Variants in MYLK3 observed in about 807,000 individuals in gnomAD.
MYLK3 encodes myosin light chain kinase 3.
Under a neutral mutation model 76.3 loss-of-function variants are expected in MYLK3, and 55 were observed. The ratio of observed to expected loss-of-function variants is 0.72; its 90% CI spans 0.58 to 0.90. The LOEUF (loss-of-function observed/expected upper bound fraction) is 0.90, where lower values mean the gene tolerates loss of function less well. Among genes scored for constraint, MYLK3 ranks in the 40% least tolerant of loss-of-function variants. The pLI is 0.00. For missense variants in MYLK3, 973 were observed against 1,053.6 expected, an observed-to-expected ratio of 0.92 and a Z score of 1.06; for synonymous variants, 416 against 425.4, an observed-to-expected ratio of 0.98 and a Z score of 0.27.
At chr16:46,733,350 C>T (rs899430237) in intron 3 of MYLK3, among the ~76,000 whole-genome samples, 1 of 152,124 alleles carries the variant, frequency 6.6e-6, no homozygotes, top group Non-Finnish European at 1.5e-5. Context: ...GTGAGAGACC[C>T]TGTCTCAAAA....
rs1164674291 is a variant in MYLK3 at position 46,758,266 on chromosome 16, C to CCACACACACA, written c.-114+4764_-114+4773dup. Among the ~76,000 whole-genome samples the CCACACACACA allele has an allele frequency of 3.9e-5, 5 of 126,950 alleles. 1 individual carries two copies. Among genetic ancestry groups the CCACACACACA allele is most frequent in the Non-Finnish European group, 6.5e-5 (4 of 61,252 alleles). 83.3% of individuals were successfully genotyped at this position (126,950 alleles called of 152,430 possible). A position where few individuals can be genotyped will look rare whatever the true frequency, so the allele number is the denominator to read the frequency against. On this transcript the variant is annotated intron_variant, in intron 1 of 11. Transcript: ENST00000536476. The stretch of plus-strand genomic sequence containing the variant: ...ACACACACACACTGCCTCTCTCTCT[C>CCACACACACA]CACACACACACACACACACACACAC...
intron 1 of MYLK3, chr16:46,757,661 C>T (rs917535346): frequency 1.1e-5 from 10 of 941,238 alleles, no homozygotes; most frequent in African/African-American, 7.1e-5. Flanking sequence ...CTGGCATTTC[C>T]GCTTATCTCT....
chr16:46,717,539 C>T (rs550295855), intron 9 of MYLK3, among the ~76,000 whole-genome samples: 5 of 152,088 alleles, frequency 3.3e-5, no homozygotes, highest in South Asian at 4.1e-4. Context: ...TTCCCCCAAC[C>T]AGCCCGCACA....
chr16:46,759,041 C>T (rs1041116367), intron 1 of MYLK3, among the ~76,000 whole-genome samples: 1 of 152,238 alleles, frequency 6.6e-6, no homozygotes, highest in Non-Finnish European at 1.5e-5. Context: ...GGGAGTAAAA[C>T]CAAAGTGCAA....
At chr16:46,709,401 A>T in intron 12 of MYLK3, 138 bp downstream of exon 12, 1 of 959,824 alleles carries the variant, frequency 1.0e-6, no homozygotes, top group Non-Finnish European at 1.5e-6. Context: ...CAGCCTGGGC[A>T]ACAGAGCAAG....
intron 8 of MYLK3, chr16:46,726,776 G>GGGGA: frequency 6.6e-6 from 1 of 150,962 alleles, no homozygotes; most frequent in Non-Finnish European, 1.5e-5. Flanking sequence ...AGAGAGAGAG[G>GGGGA]GGGAGGGAGG....
chr16:46,709,110 A>G (rs754369799), intron 12 of MYLK3, among the ~76,000 whole-genome samples: 1 of 152,186 alleles, frequency 6.6e-6, no homozygotes, highest in East Asian at 1.9e-4. Flanking sequence ...TTCTGTTTAG[A>G]ATCAAAATGT....
At chr16:46,722,943 C>A (rs374032893) in intron 8 of MYLK3, among the ~76,000 whole-genome samples, 1 of 152,262 alleles carries the variant, frequency 6.6e-6, no homozygotes, top group South Asian at 2.1e-4. Context: ...AACTCCCGAC[C>A]TCAGGTGATC....
chr16:46,727,442 C>A, intron 7 of MYLK3, 65 bp from the exon 8 acceptor site: 1 of 1,526,362 alleles, frequency 6.6e-7, no homozygotes, highest in South Asian at 1.3e-5. Context: ...TGTCCACTGT[C>A]ATTATAGGGC....
At chr16:46,751,196 A>G (rs2052874), upstream of MYLK3, among the ~76,000 whole-genome samples, 72,006 of 151,618 alleles carry the variant, frequency 0.47, 19,686 homozygotes, top group South Asian at 0.69. Flanking sequence ...GAATCACTTG[A>G]GGCCAGGAGT....
In MYLK3 at chr16:46,738,035, C is replaced by T. The variant is rs1429183311; in HGVS notation, c.677G>A (p.Gly226Glu). 5 of 1,611,950 alleles carry T rather than the reference C, an allele frequency of 3.1e-6. No individual in the cohort carries two copies. In the African/African-American group the frequency reaches 4.0e-5, roughly 13 times the overall value. Residue 226 changes from glycine (G) to glutamate (E), a missense_variant, in exon 3 of 13, where the codon GGA (glycine) becomes GAA (glutamate). This residue lies in a region of MYLK3 where 641 missense variants were observed against 637.0 expected (regional missense o/e 1.01). Transcript: ENST00000394809. ...PAQAVVSPGQ[G>E]DGVPGPAQAF... ...CTGGGCTGGGCCAGGAACACCATCTCCCTGGCCCGGTGAGACCACTGCCTG... is the reference window on the plus strand; with the variant it reads ...CTGGGCTGGGCCAGGAACACCATCTTCCTGGCCCGGTGAGACCACTGCCTG...
chr16:46,722,190 G>C (rs1184225363), intron 8 of MYLK3, among the ~76,000 whole-genome samples: 1 of 152,158 alleles, frequency 6.6e-6, no homozygotes, highest in Non-Finnish European at 1.5e-5. Flanking sequence ...GAGAAGCTGA[G>C]TGAAGATGTA....
intron 1 of MYLK3, chr16:46,757,306 C>T (rs36478): frequency 0.99 from 922,836 of 928,400 alleles, 458,866 homozygotes; most frequent in East Asian, 1. Context: ...ACTTTCTTGG[C>T]GCAAGAGAAC....
intron 1 of MYLK3, among the ~76,000 whole-genome samples, chr16:46,742,892 CTGGAGGCA>C (rs1267514467): frequency 6.6e-6 from 1 of 152,214 alleles, no homozygotes; most frequent in Admixed American, 6.5e-5. Flanking sequence ...GCTGGGGGAA[CTGGAGGCA>C]TGAAACAGAC....
rs79685521 is a variant in MYLK3, at chr16:46,713,245, T to C, written c.1986-469A>G. On this transcript the variant is annotated intron_variant, in intron 9 of 12. Coordinates refer to ENST00000394809, the MANE Select transcript of MYLK3 (RefSeq NM_182493.3). ...CAGGGTCTCACTCTGTCACCCAAGCTGGAGTGCAGTGATAAGATCTCGGCT... is the reference window on the plus strand; with the variant it reads ...CAGGGTCTCACTCTGTCACCCAAGCCGGAGTGCAGTGATAAGATCTCGGCT... Among the ~76,000 whole-genome samples the C allele has an allele frequency of 7.8e-3, 1,157 of 148,764 alleles. 19 individuals are homozygous for C. The highest frequency in any genetic ancestry group is 0.027 in the African/African-American group (1,078 of 40,356).
rs181241338 is a variant in MYLK3 at position 46,722,866 on chromosome 16, C to T, written c.1915-1673G>A. Among the ~76,000 whole-genome samples the T allele has an allele frequency of 1.1e-3, 168 of 152,246 alleles. No homozygotes were observed. The Middle Eastern group carries it at 0.037, about 34-fold the overall frequency. ...CTGGGATTACAGGTGTGGGCCACCA[C>T]ACCCAGCAAATTTGTTTGTATTTTT... On this transcript the variant is annotated intron_variant, in intron 8 of 12. Coordinates refer to ENST00000394809, the MANE Select transcript of MYLK3 (RefSeq NM_182493.3).
At chr16:46,720,103 G>A (rs1219160164) in intron 9 of MYLK3, among the ~76,000 whole-genome samples, 5 of 152,148 alleles carry the variant, frequency 3.3e-5, no homozygotes, top group Admixed American at 6.5e-5. Flanking sequence ...GCTAGAATCC[G>A]GGAGGCAGAG....
chr16:46,717,633 G>A (rs747447443), intron 9 of MYLK3, among the ~76,000 whole-genome samples: 3 of 151,716 alleles, frequency 2.0e-5, no homozygotes, highest in African/African-American at 4.8e-5. Flanking sequence ...CACTAGAGCC[G>A]GCTCTCAGGT....
intron 8 of MYLK3, among the ~76,000 whole-genome samples, chr16:46,721,826 T>C (rs1208762407): frequency 2.6e-5 from 4 of 152,118 alleles, no homozygotes; most frequent in Non-Finnish European, 5.9e-5. Flanking sequence ...TGGCTGTACA[T>C]TGGAATCATC....
Sources: gnomAD v4.1 joint callset for allele counts (sites outside exome capture counted in the v4.1 genomes callset) on GRCh38, gnomAD v4.1.1 for gene constraint, gnomAD v4.1.1 regional missense constraint, MANE v1.5 for transcripts, NCBI Gene and HGNC (gene_info 2026-07-23, HGNC 2026-07-21) for gene names.